The following RPS6KA6 variants were observed in gnomAD, a reference collection of about 807,000 sequenced individuals.
RPS6KA6 encodes the protein ribosomal protein S6 kinase A6, also known as ribosomal protein S6 kinase alpha-6.
A neutral mutation model predicts 65.4 loss-of-function variants in RPS6KA6; 27 were observed. The observed-to-expected ratio is 0.41, with a 90% CI of 0.30 to 0.57. The LOEUF is 0.57. Ranked by LOEUF, RPS6KA6 falls within the 20% of genes least tolerant of loss-of-function variation. The pLI is 0.24. For missense variants in RPS6KA6, 486 were observed against 555.6 expected, an observed-to-expected ratio of 0.87 and a Z score of 1.26; for synonymous variants, 190 against 184.2, an observed-to-expected ratio of 1.03 and a Z score of -0.26.
intron 19 of RPS6KA6, among the ~76,000 whole-genome samples, chrX:84,097,087 C>T (rs763438275): frequency 2.9e-4 from 32 of 111,139 alleles, no homozygotes; most frequent in Non-Finnish European, 6.1e-4. Context: ...ACTAAATGCA[C>T]TCTTTAAAAT....
chrX:84,158,400 A>C (rs73232989), intron 2 of RPS6KA6, among the ~76,000 whole-genome samples: 2,467 of 110,903 alleles, frequency 0.022, 25 homozygotes, highest in Non-Finnish European at 0.034. Flanking sequence ...ATTATTCTTA[A>C]ATATAGTCTA....
chrX:84,171,543 TG>T lies in RPS6KA6; in HGVS notation c.82-7157del, dbSNP rs1251798452. ...AAGTGACCCAGGACAAATGTTTAAG[TG>T]GGGCCAAATTTTTAATTTTAGTTTC... On this transcript the variant is annotated intron_variant, in intron 1 of 21. Transcript: ENST00000262752. Among the ~76,000 whole-genome samples the T allele has an allele frequency of 5.4e-4, 60 of 111,999 alleles. 1 individual carries two copies. Among genetic ancestry groups the T allele is most frequent in the Admixed American group, 9.5e-5 (1 of 10,569 alleles).
intron 13 of RPS6KA6, 33 bp from the exon 14 acceptor site, chrX:84,107,073 T>G: frequency 8.8e-7 from 1 of 1,138,385 alleles, no homozygotes. Flanking sequence ...TAATTATAAC[T>G]ACACACAGAA....
intron 12 of RPS6KA6, among the ~76,000 whole-genome samples, chrX:84,108,034 C>A (rs2034394584): frequency 8.9e-6 from 1 of 111,829 alleles, no homozygotes; most frequent in South Asian, 3.7e-4. Flanking sequence ...CTAAAATGCT[C>A]AAGGCTTTCA....
At chrX:84,085,956 T>C (rs766818235) in intron 20 of RPS6KA6, among the ~76,000 whole-genome samples, 2 of 112,165 alleles carry the variant, frequency 1.8e-5, no homozygotes, top group East Asian at 2.8e-4. Context: ...TTTATGTGCA[T>C]AGAGGTGTTT....
chrX:84,158,332 T>A (rs1054601263), intron 2 of RPS6KA6, among the ~76,000 whole-genome samples: 1 of 110,532 alleles, frequency 9.0e-6, no homozygotes, highest in Non-Finnish European at 1.9e-5. Context: ...ACACCTTAAA[T>A]ATATACAATA....
At chrX:84,081,733 A>C (rs2033804405) in intron 20 of RPS6KA6, among the ~76,000 whole-genome samples, 1 of 112,061 alleles carries the variant, frequency 8.9e-6, no homozygotes, top group African/African-American at 3.2e-5. Flanking sequence ...AGCACATCAA[A>C]AAGCTTATCC....
intron 2 of RPS6KA6, among the ~76,000 whole-genome samples, chrX:84,161,586 G>A: frequency 9.0e-6 from 1 of 111,452 alleles, no homozygotes; most frequent in Middle Eastern, 4.6e-3. Context: ...CATACAGAAA[G>A]CAGGCATTCT....
intron 2 of RPS6KA6, among the ~76,000 whole-genome samples, chrX:84,161,700 G>T (rs1297498455): frequency 9.0e-6 from 1 of 111,561 alleles, no homozygotes; most frequent in Non-Finnish European, 1.9e-5. Flanking sequence ...GTCAAGAATG[G>T]TTTTTAAAAT....
intron 12 of RPS6KA6, among the ~76,000 whole-genome samples, chrX:84,114,401 T>C (rs976529866): frequency 6.4e-5 from 7 of 110,143 alleles, no homozygotes; most frequent in Non-Finnish European, 5.7e-5. Flanking sequence ...AGTGGGAGGA[T>C]TGCTTAAGTC....
intron 3 of RPS6KA6, among the ~76,000 whole-genome samples, chrX:84,151,780 C>A (rs1018614963): frequency 4.5e-5 from 5 of 112,038 alleles, no homozygotes; most frequent in African/African-American, 1.6e-4. Flanking sequence ...CAAGGACATT[C>A]TTAAACTGCA....
chrX:84,092,311 T>A (rs1284325276), intron 20 of RPS6KA6, among the ~76,000 whole-genome samples: 1 of 110,037 alleles, frequency 9.1e-6, no homozygotes, highest in East Asian at 2.8e-4. Flanking sequence ...TAACTAACCA[T>A]CTGGAAAATG....
In RPS6KA6 at chrX:84,063,914, A is replaced by G. The variant is rs1284206899; in HGVS notation, c.*363T>C. On this transcript the variant is annotated 3_prime_UTR_variant, in exon 22 of 22. Coordinates refer to ENST00000262752, the MANE Select transcript of RPS6KA6 (RefSeq NM_014496.5). ...TAACATTGCTTGTCATTATACTATT[A>G]TATATGTATACTGATTGTTGGTAAT... 1 of 122,692 alleles carries G rather than the reference A, an allele frequency of 8.2e-6. No individual in the cohort carries two copies. Among genetic ancestry groups the G allele is most frequent in the African/African-American group, 3.2e-5 (1 of 31,098 alleles). 10.1% of individuals were successfully genotyped at this position (122,692 alleles called of 1,213,427 possible).
intron 8 of RPS6KA6, among the ~76,000 whole-genome samples, chrX:84,124,986 G>A (rs924523731): frequency 8.9e-6 from 1 of 111,808 alleles, no homozygotes; most frequent in Non-Finnish European, 1.9e-5. Flanking sequence ...TTACAGGTTA[G>A]GAGAGAGTGG....
At chrX:84,165,012 C>T (rs2035575326) in intron 1 of RPS6KA6, among the ~76,000 whole-genome samples, 1 of 111,335 alleles carries the variant, frequency 9.0e-6, no homozygotes, top group Admixed American at 9.6e-5. Context: ...TGAGCTAAAT[C>T]TGACCTCTTG....
rs2033298215 is a variant in RPS6KA6, at chrX:84,061,302, A to T, written c.*2975T>A. The T allele has an allele frequency of 8.9e-6, 1 of 112,105 alleles. No individual in the cohort carries two copies. Among genetic ancestry groups the T allele is most frequent in the Non-Finnish European group, 1.9e-5 (1 of 53,147 alleles). 9.2% of individuals were successfully genotyped at this position (112,105 alleles called of 1,213,427 possible). A position where few individuals can be genotyped will look rare whatever the true frequency, so the allele number is the denominator to read the frequency against. On this transcript the variant is annotated 3_prime_UTR_variant, in exon 22 of 22. Transcript: ENST00000262752. ...AGTACTATTTTAACATGTTGTTCCA[A>T]TGGGCAGACATTATAAATACCAAGC...
At position 84,146,960 on chromosome X, in the gene RPS6KA6, TA is replaced by T. The variant is rs761539731; in HGVS notation, c.421+17del. ...ATAAGGATTAAAATAAATAAAAGAA[TA>T]AAAAAAGATTACATACCATAGTGCA... is the stretch of plus-strand genomic sequence containing the variant. On this transcript the variant is annotated intron_variant, in intron 5 of 21. Transcript: ENST00000262752. The T allele has an allele frequency of 9.6e-6, 9 of 934,417 alleles. No homozygotes were observed. Among genetic ancestry groups the T allele is most frequent in the African/African-American group, 6.0e-5 (3 of 50,233 alleles). 77.0% of individuals were successfully genotyped at this position (934,417 alleles called of 1,213,427 possible).
intron 20 of RPS6KA6, among the ~76,000 whole-genome samples, chrX:84,077,137 A>C (rs762194732): frequency 1.8e-5 from 2 of 111,624 alleles, no homozygotes; most frequent in Non-Finnish European, 3.8e-5. Flanking sequence ...AGATAAGAAA[A>C]GTCAATGCTG....
At chrX:84,084,342 G>C (rs6616894) in intron 20 of RPS6KA6, among the ~76,000 whole-genome samples, 6,970 of 111,449 alleles carry the variant, frequency 0.063, 229 homozygotes, top group East Asian at 0.21. Context: ...TTATAGTTTT[G>C]GGTTTAACAT....
Sources: allele counts gnomAD v4.1 joint callset (sites outside exome capture counted in the v4.1 genomes callset), GRCh38; gene constraint gnomAD v4.1.1; transcripts MANE v1.5; gene names NCBI Gene and HGNC (gene_info 2026-07-23, HGNC 2026-07-21).